The following KCNC2 variants were observed in gnomAD, a reference collection of about 807,000 sequenced individuals.
KCNC2 encodes the protein voltage-gated potassium channel KCNC2.
KCNC2 carries 21 observed loss-of-function variants against 44.5 expected under a neutral mutation model. The ratio of observed to expected loss-of-function variants is 0.47; its 90% CI spans 0.33 to 0.68. The LOEUF (loss-of-function observed/expected upper bound fraction) is 0.68, where lower values mean the gene tolerates loss of function less well. Among genes scored for constraint, KCNC2 ranks in the 30% least tolerant of loss-of-function variants. The pLI is 0.01. For synonymous variants in KCNC2, 391 were observed against 339.1 expected (o/e 1.15, Z -1.68); for missense variants, 589 against 826.2 (o/e 0.71, Z 3.52).
intron 2 of KCNC2, among the ~76,000 whole-genome samples, chr12:75,056,447 T>A (rs1592770948): frequency 6.6e-6 from 1 of 151,974 alleles, no homozygotes; most frequent in East Asian, 1.9e-4. Context: ...GGAATTTCCA[T>A]TTTTATAATT....
chr12:75,183,692 G>A (rs1271415309), intron 2 of KCNC2, among the ~76,000 whole-genome samples: 1 of 152,060 alleles, frequency 6.6e-6, no homozygotes, highest in African/African-American at 2.4e-5. Flanking sequence ...CAATAAAAAG[G>A]ACATAAAAAT....
intron 2 of KCNC2, among the ~76,000 whole-genome samples, chr12:75,125,623 C>T (rs1344078390): frequency 6.6e-6 from 1 of 152,168 alleles, no homozygotes; most frequent in Non-Finnish European, 1.5e-5. Flanking sequence ...AGACATTGCG[C>T]TATGCCTTCT....
chr12:75,156,105 T>A (rs961637040), intron 2 of KCNC2, among the ~76,000 whole-genome samples: 2 of 151,760 alleles, frequency 1.3e-5, no homozygotes, highest in Non-Finnish European at 2.9e-5. Context: ...AGTAGAGATA[T>A]CACAGCCCAA....
At chr12:75,204,369 G>A (rs574096867) in intron 2 of KCNC2, among the ~76,000 whole-genome samples, 7 of 151,908 alleles carry the variant, frequency 4.6e-5, no homozygotes, top group African/African-American at 1.7e-4. Context: ...TCCTATCACC[G>A]TTGTTTTGTC....
At chr12:75,199,417 G>A (rs1012226210) in intron 2 of KCNC2, among the ~76,000 whole-genome samples, 3 of 151,790 alleles carry the variant, frequency 2.0e-5, no homozygotes, top group Non-Finnish European at 4.4e-5. Context: ...GACCAGTCAA[G>A]TAATTGCAGT....
rs148618018 is a variant in KCNC2 at position 75,050,909 on chromosome 12, C to A, written c.1096G>T (p.Val366Leu). 1 of 1,613,716 alleles carries A rather than the reference C, an allele frequency of 6.2e-7. No homozygotes were observed. The highest frequency in any genetic ancestry group is 8.5e-7 in the Non-Finnish European group (1 of 1,179,874). The change falls in exon 3 of 5, where the codon GTA becomes TTA. Residue 366 changes from valine to leucine, a missense_variant. Transcript: ENST00000549446. The part of the protein sequence containing the change: ...LRIFKLTRHF[V>L]GLRVLGHTLR... ...GTATGTCCAAGCACCCTCAGACCTA[C>A]AAAATGGCGGGTGAGCTTGAAAATT...
rs377026195 is a variant in KCNC2, at chr12:75,207,203, C to A, written c.687+94G>T. 1.4e-6 allele frequency: 2 copies of A among 1,478,780 alleles called. No individual in the cohort carries two copies. Among genetic ancestry groups the A allele is most frequent in the South Asian group, 1.4e-5 (1 of 72,826 alleles). 91.6% of individuals were successfully genotyped at this position (1,478,780 alleles called of 1,614,324 possible). ...GAAATCCCGGGTCTCTTCTACCCCC[C>A]ATGCCTGAGGCCCTGGGGTGGAAAA... On this transcript the variant is annotated intron_variant, in intron 2 of 4. Coordinates refer to ENST00000549446, the MANE Select transcript of KCNC2 (RefSeq NM_139137.4). The surrounding 1 kb of genome is among the most constrained non-coding windows in gnomAD (Gnocchi z 4.1).
intron 2 of KCNC2, among the ~76,000 whole-genome samples, chr12:75,205,504 T>C (rs761300279): frequency 2.0e-5 from 3 of 152,170 alleles, no homozygotes; most frequent in Non-Finnish European, 2.9e-5. Flanking sequence ...ATCCTTTTGA[T>C]CAATAAACTA....
intron 2 of KCNC2, among the ~76,000 whole-genome samples, chr12:75,174,195 T>C (rs1189336946): frequency 6.6e-6 from 1 of 151,790 alleles, no homozygotes; most frequent in African/African-American, 2.4e-5. Flanking sequence ...ATACCATGTA[T>C]TTTTTACACC....
intron 2 of KCNC2, among the ~76,000 whole-genome samples, chr12:75,132,218 T>A (rs924262215): frequency 6.6e-6 from 1 of 152,140 alleles, no homozygotes; most frequent in South Asian, 2.1e-4. Flanking sequence ...TAGTGCTTGG[T>A]ATATGATATT....
chr12:75,186,099 T>G (rs962894807), intron 2 of KCNC2, among the ~76,000 whole-genome samples: 1 of 142,964 alleles, frequency 7.0e-6, no homozygotes, highest in African/African-American at 2.6e-5. Context: ...AAATAAAAAT[T>G]TTATTGTAAT....
At chr12:75,145,954 AT>A (rs10715917) in intron 2 of KCNC2, among the ~76,000 whole-genome samples, 3,575 of 135,854 alleles carry the variant, frequency 0.026, 72 homozygotes, top group African/African-American at 0.083. Flanking sequence ...AGTCTTACCA[AT>A]TTTTTTTTTT....
chr12:75,117,714 CTAA>C (rs1887771413), intron 2 of KCNC2, among the ~76,000 whole-genome samples: 1 of 151,840 alleles, frequency 6.6e-6, no homozygotes, highest in Non-Finnish European at 1.5e-5. Context: ...CATATTTATT[CTAA>C]TAATATATAA....
intron 2 of KCNC2, among the ~76,000 whole-genome samples, chr12:75,091,444 AT>A (rs1393551977): frequency 6.6e-6 from 1 of 151,684 alleles, no homozygotes; most frequent in Non-Finnish European, 1.5e-5. Context: ...TCAATCTTGA[AT>A]TTCAGCTTTC....
chr12:75,209,032 T>C (rs1484432499), intron 1 of KCNC2, among the ~76,000 whole-genome samples, 175 bp downstream of exon 1: 1 of 152,082 alleles, frequency 6.6e-6, no homozygotes, highest in Non-Finnish European at 1.5e-5. Flanking sequence ...GTCCCTGAGC[T>C]GAAAGTCTCG....
At position 75,117,155 on chromosome 12, in the gene KCNC2, T is replaced by A. The variant is rs376156853; in HGVS notation, c.688-65838A>T. Among the ~76,000 whole-genome samples, 37 of 152,326 alleles carry A rather than the reference T, an allele frequency of 2.4e-4. 1 individual carries two copies. Among genetic ancestry groups the A allele is most frequent in the African/African-American group, 8.7e-4 (36 of 41,568 alleles). The stretch of plus-strand genomic sequence containing the variant: ...TAACTTCCAGATTTAATTATACATT[T>A]GTCTCTGTACACTGAGAAGCTTCTG... On this transcript the variant is annotated intron_variant, in intron 2 of 4. Transcript: ENST00000549446.
chr12:75,108,266 T>C (rs994502150), intron 2 of KCNC2, among the ~76,000 whole-genome samples: 1 of 152,186 alleles, frequency 6.6e-6, no homozygotes, highest in African/African-American at 2.4e-5. Flanking sequence ...AATGTGTCCT[T>C]GGGCAAGCTA....
At chr12:75,206,842 T>A (rs966143001) in intron 2 of KCNC2, among the ~76,000 whole-genome samples, 3 of 152,016 alleles carry the variant, frequency 2.0e-5, no homozygotes, top group African/African-American at 7.3e-5. Context: ...AACCCCCAAT[T>A]GGAGCCACGG....
At chr12:75,100,680 A>G (rs1886304553) in intron 2 of KCNC2, among the ~76,000 whole-genome samples, 1 of 152,064 alleles carries the variant, frequency 6.6e-6, no homozygotes, top group South Asian at 2.1e-4. Context: ...AATGTAACTT[A>G]TTAGTGAGAA....
Sources: gnomAD v4.1 joint callset for allele counts (sites outside exome capture counted in the v4.1 genomes callset) on GRCh38, gnomAD v4.1.1 for gene constraint, Gnocchi (gnomAD v3.1) non-coding constraint, MANE v1.5 for transcripts, NCBI Gene and HGNC (gene_info 2026-07-23, HGNC 2026-07-21) for gene names.